The following TAF2 variants were observed in gnomAD, a reference collection of about 807,000 sequenced individuals.
TAF2 encodes the protein TATA-box binding protein associated factor 2.
TAF2 carries 61 observed loss-of-function variants against 138.5 expected under a neutral mutation model. That is an observed-to-expected ratio of 0.44 (90% CI 0.36 to 0.54). TAF2 has a LOEUF of 0.54. Ranked by LOEUF, TAF2 falls within the 20% of genes least tolerant of loss-of-function variation. The probability of loss-of-function intolerance (pLI) is 0.00; values close to 1 mark genes in which losing one functional copy is unlikely to be tolerated. For synonymous variants in TAF2, 475 were observed against 469.9 expected (o/e 1.01, Z -0.14); for missense variants, 1,090 against 1,427.9 (o/e 0.76, Z 3.81).
chr8:119,797,843 T>G lies in TAF2; in HGVS notation c.796A>C (p.Thr266Pro). Residue 266 changes from threonine (T) to proline (P), a missense_variant, in exon 7 of 26, where the codon ACT (threonine) becomes CCT (proline). Thr to Pro is a conservative substitution (Grantham distance 38). Transcript: ENST00000378164. The part of the protein sequence containing the change: ...ILVDPYMHEV[T>P]HFCLPQLLPL... ...AGAAGTTGGGGCAAACAAAAATGAG[T>G]AACCTGAAAAGAAGAAGCAAGGAAG... 1 of 1,613,226 alleles carries G rather than the reference T, an allele frequency of 6.2e-7. No homozygotes were observed. Among genetic ancestry groups the G allele is most frequent in the South Asian group, 1.1e-5 (1 of 91,036 alleles).
rs190648092 is a variant in TAF2, at chr8:119,767,855, G to A, written c.2365-5247C>T. ...TGTGGCCCAGTGTAGTGAGAGCCCA[G>A]CCCCAAGAAGCCAGGGACCTGCCCT... On this transcript the variant is annotated intron_variant, in intron 18 of 25. Transcript: ENST00000378164. 1.6e-3 allele frequency among the ~76,000 whole-genome samples: 248 copies of A among 152,296 alleles called. 1 individual carries two copies. The highest frequency in any genetic ancestry group is 5.6e-3 in the African/African-American group (234 of 41,554).
intron 20 of TAF2, among the ~76,000 whole-genome samples, chr8:119,758,413 CAT>C (rs1804616803): frequency 6.6e-6 from 1 of 152,110 alleles, no homozygotes; most frequent in South Asian, 2.1e-4. Flanking sequence ...GCAAGCATAA[CAT>C]AAAGCAAGTT....
chr8:119,768,071 G>A (rs1821565919), intron 18 of TAF2, among the ~76,000 whole-genome samples: 1 of 152,318 alleles, frequency 6.6e-6, no homozygotes, highest in Non-Finnish European at 1.5e-5. Flanking sequence ...CCTTGCTCCA[G>A]CTGAGGGAGT....
At chr8:119,806,944 A>G (rs1282031127) in intron 3 of TAF2, among the ~76,000 whole-genome samples, 3 of 152,234 alleles carry the variant, frequency 2.0e-5, no homozygotes, top group Non-Finnish European at 4.4e-5. Flanking sequence ...TTACATGACT[A>G]TTATTATGAC....
In TAF2 at chr8:119,827,734, A is replaced by AT. The variant is rs58428759; in HGVS notation, c.138+3942dup. Among the ~76,000 whole-genome samples, 303 of 144,120 alleles carry AT rather than the reference A, an allele frequency of 2.1e-3. 3 individuals are homozygous for AT. The highest frequency in any genetic ancestry group is 5.1e-3 in the East Asian group (25 of 4,868). 94.5% of individuals were successfully genotyped at this position (144,120 alleles called of 152,430 possible). ...TTACACCAAAAAGGCCATGGAAGGA[A>AT]TTTTTTTTTTTTTTTTTTTGGAGCA... On this transcript the variant is annotated intron_variant, in intron 2 of 25. Transcript: ENST00000378164.
chr8:119,740,675 A>AG (rs1373745375), intron 25 of TAF2, among the ~76,000 whole-genome samples: 3 of 86,294 alleles, frequency 3.5e-5, no homozygotes, highest in African/African-American at 8.6e-5. Context: ...AAAAAAAAAA[A>AG]AAAAGAAAAG....
intron 25 of TAF2, among the ~76,000 whole-genome samples, chr8:119,736,192 T>C (rs1000693185): frequency 6.6e-6 from 1 of 152,198 alleles, no homozygotes; most frequent in Non-Finnish European, 1.5e-5. Flanking sequence ...CAAAAGTGAA[T>C]CCAATTTTTT....
intron 16 of TAF2, among the ~76,000 whole-genome samples, chr8:119,781,824 A>G (rs1822683715): frequency 6.6e-6 from 1 of 152,064 alleles, no homozygotes. Context: ...AGTAGCTGGA[A>G]CTACAGGTGC....
rs528438314 is a variant in TAF2 at position 119,806,680 on chromosome 8, C to T, written c.300-279G>A. On this transcript the variant is annotated intron_variant, in intron 3 of 25. Transcript: ENST00000378164. ...ATGGTGTTTCACCATGTTGGTCAGG[C>T]TGGTCTCGAACTCCTAACCTCTAGT... is the stretch of plus-strand genomic sequence containing the variant. 9.2e-5 allele frequency among the ~76,000 whole-genome samples: 14 copies of T among 152,160 alleles called. No individual in the cohort carries two copies. In the South Asian group the frequency reaches 2.9e-3, roughly 32 times the overall value.
intron 22 of TAF2, among the ~76,000 whole-genome samples, chr8:119,754,328 A>G (rs1820555154): frequency 6.6e-6 from 1 of 152,246 alleles, no homozygotes; most frequent in Non-Finnish European, 1.5e-5. Context: ...CTAATGAGAT[A>G]GGCAGGACAA....
intron 18 of TAF2, among the ~76,000 whole-genome samples, chr8:119,771,526 G>A (rs915757499): frequency 6.6e-6 from 1 of 152,082 alleles, no homozygotes; most frequent in Non-Finnish European, 1.5e-5. Flanking sequence ...ATAAGCCACT[G>A]TGCCCGGCCA....
chr8:119,735,978 G>A (rs16893065), intron 25 of TAF2, among the ~76,000 whole-genome samples: 2 of 152,154 alleles, frequency 1.3e-5, no homozygotes, highest in African/African-American at 4.8e-5. Flanking sequence ...TTGGCTGTCT[G>A]CACTCTTGGG....
intron 5 of TAF2, among the ~76,000 whole-genome samples, chr8:119,803,615 C>G (rs1028716145): frequency 1.3e-5 from 2 of 151,552 alleles, no homozygotes; most frequent in Non-Finnish European, 2.9e-5. Flanking sequence ...TCACTTGAAC[C>G]CAGGAGGCAC....
chr8:119,799,858 A>G (rs1824122668), intron 6 of TAF2, among the ~76,000 whole-genome samples: 1 of 152,148 alleles, frequency 6.6e-6, no homozygotes, highest in Non-Finnish European at 1.5e-5. Context: ...CTGGTGTGAG[A>G]TGGTATCTCA....
At chr8:119,748,900 T>C (rs1438921493) in intron 22 of TAF2, among the ~76,000 whole-genome samples, 2 of 147,520 alleles carry the variant, frequency 1.4e-5, no homozygotes, top group African/African-American at 4.9e-5. Flanking sequence ...GGAGTGAATC[T>C]TAGGCATTTT....
At chr8:119,806,469 C>CTTT (rs71571631) in intron 3 of TAF2, 68 bp from the exon 4 acceptor site, 52 of 762,266 alleles carry the variant, frequency 6.8e-5, no homozygotes, top group African/African-American at 2.4e-4. Flanking sequence ...TTCTTTCTTT[C>CTTT]TTTTTTTTTT....
intron 16 of TAF2, among the ~76,000 whole-genome samples, chr8:119,782,135 T>C (rs554478240): frequency 1.3e-5 from 2 of 152,374 alleles, no homozygotes; most frequent in South Asian, 4.1e-4. Context: ...TCTAATATTT[T>C]AACCTTATGA....
chr8:119,821,873 C>A (rs911886415), intron 2 of TAF2, among the ~76,000 whole-genome samples: 5 of 152,140 alleles, frequency 3.3e-5, no homozygotes, highest in African/African-American at 1.2e-4. Flanking sequence ...CCTATCTGTA[C>A]ATAAACTATT....
At chr8:119,781,443 C>T (rs567677973) in intron 16 of TAF2, among the ~76,000 whole-genome samples, 22 of 152,182 alleles carry the variant, frequency 1.4e-4, no homozygotes, top group African/African-American at 4.3e-4. Flanking sequence ...TTTGGGAAGC[C>T]GAGGCGGGTG....
Sources: allele counts gnomAD v4.1 joint callset (sites outside exome capture counted in the v4.1 genomes callset), GRCh38; gene constraint gnomAD v4.1.1; transcripts MANE v1.5; gene names NCBI Gene and HGNC (gene_info 2026-07-23, HGNC 2026-07-21).